Variants in VPS4B observed in about 807,000 individuals in gnomAD.
VPS4B encodes the protein vacuolar protein sorting-associated protein 4B.
A neutral mutation model predicts 56.1 loss-of-function variants in VPS4B; 23 were observed. That is an observed-to-expected ratio of 0.41 (90% CI 0.30 to 0.58). VPS4B has a LOEUF of 0.58. VPS4B is among the 20% of genes least tolerant of loss of function. The pLI, the probability that VPS4B is intolerant of heterozygous loss-of-function variation, is 0.29. For missense variants in VPS4B, 372 were observed against 531.9 expected (o/e 0.70, Z 2.96); for synonymous variants, 177 against 186.0 (o/e 0.95, Z 0.39).
intron 5 of VPS4B, among the ~76,000 whole-genome samples, chr18:63,401,906 T>C (rs1206850480): frequency 6.6e-6 from 1 of 152,092 alleles, no homozygotes; most frequent in Non-Finnish European, 1.5e-5. Context: ...GGCAGGAGAA[T>C]TGCTTGAACT....
rs1915499025 is a variant in VPS4B at position 63,389,658 on chromosome 18, C to T, written c.*1317G>A. ...ATGAGTCATGAGCTCATTTCTAAAG[C>T]TTCATAAAGCATTACACTGATAACA... On this transcript the variant is annotated 3_prime_UTR_variant, in exon 11 of 11. Coordinates refer to ENST00000238497, the MANE Select transcript of VPS4B (RefSeq NM_004869.4). 1 of 152,528 alleles carries T rather than the reference C, an allele frequency of 6.6e-6. No individual in the cohort carries two copies. The highest frequency in any genetic ancestry group is 1.5e-5 in the Non-Finnish European group (1 of 68,012). 9.4% of individuals were successfully genotyped at this position (152,528 alleles called of 1,614,324 possible).
chr18:63,397,060 C>G lies in VPS4B; in HGVS notation c.1066G>C (p.Val356Leu), dbSNP rs1408619377. Residue 356 changes from valine (V) to leucine (L), a missense_variant, in exon 9 of 11, where the codon GTA (valine) becomes CTA (leucine). This residue lies in a region of VPS4B where 153 missense variants were observed against 190.9 expected (regional missense o/e 0.80). Coordinates refer to ENST00000238497, the MANE Select transcript of VPS4B (RefSeq NM_004869.4). ...RDALMQPVRK[V>L]QSATHFKKVR... ...TTTTTAAAATGAGTAGCTGACTGTA[C>G]TTTCCTAACAGGCTGCATAAGGGCA... 1 of 1,613,318 alleles carries G rather than the reference C, an allele frequency of 6.2e-7. No homozygotes were observed. Among genetic ancestry groups the G allele is most frequent in the South Asian group, 1.1e-5 (1 of 91,052 alleles).
intron 1 of VPS4B, among the ~76,000 whole-genome samples, chr18:63,418,308 CAT>C (rs1346334236): frequency 6.6e-6 from 1 of 152,228 alleles, no homozygotes; most frequent in East Asian, 1.9e-4. Flanking sequence ...ATAGCCAAAT[CAT>C]ATGCTTATCT....
At chr18:63,418,913 T>C (rs1182562348) in intron 1 of VPS4B, among the ~76,000 whole-genome samples, 3 of 152,298 alleles carry the variant, frequency 2.0e-5, no homozygotes, top group East Asian at 1.9e-4. Context: ...TCTACACATA[T>C]GTATGCAAAT....
At chr18:63,409,568 G>A (rs1429380880) in intron 3 of VPS4B, among the ~76,000 whole-genome samples, 1 of 152,206 alleles carries the variant, frequency 6.6e-6, no homozygotes, top group Admixed American at 6.5e-5. Context: ...GATGTGGTTA[G>A]AATATGTTCC....
At chr18:63,408,556 C>G (rs1380234773) in intron 3 of VPS4B, among the ~76,000 whole-genome samples, 1 of 152,130 alleles carries the variant, frequency 6.6e-6, no homozygotes, top group Admixed American at 6.5e-5. Context: ...GGGGGCTGCT[C>G]ACAAGGAGAC....
At chr18:63,398,609 G>A (rs1388587262) in intron 8 of VPS4B, among the ~76,000 whole-genome samples, 8 of 151,732 alleles carry the variant, frequency 5.3e-5, no homozygotes, top group East Asian at 1.9e-4. Flanking sequence ...AGGCTGAGGC[G>A]GGTGGATCAT....
rs1401382037 is a variant in VPS4B, at chr18:63,389,952, CTTT to C, written c.*1020_*1022del. On this transcript the variant is annotated 3_prime_UTR_variant, in exon 11 of 11. Coordinates refer to ENST00000238497, the MANE Select transcript of VPS4B (RefSeq NM_004869.4). ...AGACACTGAAATAGACAATTTTCTT[CTTT>C]AAGGTAAAGACAATGTCTAATTTAG... 6 of 152,618 alleles carry C rather than the reference CTTT, an allele frequency of 3.9e-5. No individual in the cohort carries two copies. The highest frequency in any genetic ancestry group is 8.8e-5 in the Non-Finnish European group (6 of 68,028). The allele number at this position is 152,618 out of a possible 1,614,324, so 9.5% of individuals were successfully genotyped here.
intron 1 of VPS4B, among the ~76,000 whole-genome samples, chr18:63,411,886 AATTT>A (rs1331471404): frequency 2.0e-5 from 3 of 152,198 alleles, no homozygotes; most frequent in Admixed American, 6.5e-5. Flanking sequence ...GCTAAAGTTA[AATTT>A]AGGGCTAATA....
intron 8 of VPS4B, among the ~76,000 whole-genome samples, chr18:63,398,517 G>A (rs1404303181): frequency 1.3e-5 from 2 of 151,412 alleles, no homozygotes; most frequent in African/African-American, 4.9e-5. Flanking sequence ...ACCACACCCG[G>A]CCTGACATAT....
intron 2 of VPS4B, 132 bp from the exon 3 acceptor site, chr18:63,410,578 A>G (rs989998469): frequency 8.5e-7 from 1 of 1,170,368 alleles, no homozygotes; most frequent in Non-Finnish European, 1.2e-6. Context: ...TCTCTAACTC[A>G]TCATAGCCAA....
At chr18:63,395,380 C>T (rs760221709) in intron 9 of VPS4B, among the ~76,000 whole-genome samples, 2 of 152,130 alleles carry the variant, frequency 1.3e-5, no homozygotes, top group African/African-American at 4.8e-5. Flanking sequence ...TGAAGTACCA[C>T]GACTGGTGTT....
intron 1 of VPS4B, among the ~76,000 whole-genome samples, chr18:63,420,667 C>T (rs1395773890): frequency 6.6e-6 from 1 of 152,154 alleles, no homozygotes; most frequent in African/African-American, 2.4e-5. Flanking sequence ...CCAAAAAGAA[C>T]CTTTCCAAAT....
In VPS4B at chr18:63,414,603, T is replaced by A. The variant is rs1916121697; in HGVS notation, c.28-3025A>T. ...GCACCCACCACCATGCCTGGCTAAT[T>A]TTTGTATTTTTAGTAGAGATGGGAT... On this transcript the variant is annotated intron_variant, in intron 1 of 10. Transcript: ENST00000238497. Among the ~76,000 whole-genome samples, 2 of 151,222 alleles carry A rather than the reference T, an allele frequency of 1.3e-5. 1 individual carries two copies. Among genetic ancestry groups the A allele is most frequent in the South Asian group, 4.2e-4 (2 of 4,802 alleles).
chr18:63,389,523 T>C lies in VPS4B; in HGVS notation c.*1452A>G, dbSNP rs984419487. 1 of 152,692 alleles carries C rather than the reference T, an allele frequency of 6.5e-6. No homozygotes were observed. The highest frequency in any genetic ancestry group is 1.5e-5 in the Non-Finnish European group (1 of 68,052). The allele number at this position is 152,692 out of a possible 1,614,324, so 9.5% of individuals were successfully genotyped here. A position where few individuals can be genotyped will look rare whatever the true frequency, so the allele number is the denominator to read the frequency against. Reference sequence around the variant, plus strand: ...CTAACTTAATAGTCTTTTGCATGTATAGACAATGCAATTCTACAAGGCACA... The same window carrying C: ...CTAACTTAATAGTCTTTTGCATGTACAGACAATGCAATTCTACAAGGCACA... On this transcript the variant is annotated 3_prime_UTR_variant, in exon 11 of 11. Coordinates refer to ENST00000238497, the MANE Select transcript of VPS4B (RefSeq NM_004869.4).
chr18:63,399,393 C>T (rs1915760862), intron 7 of VPS4B, 70 bp from the exon 8 acceptor site: 2 of 1,372,318 alleles, frequency 1.5e-6, no homozygotes, highest in Non-Finnish European at 2.1e-6. Context: ...TCCATATATT[C>T]TGTTAAGAAA....
intron 9 of VPS4B, among the ~76,000 whole-genome samples, chr18:63,395,097 TC>T (rs1915640663): frequency 6.6e-6 from 1 of 152,172 alleles, no homozygotes. Context: ...CAGCTGGTGA[TC>T]CCCAGCTGCA....
At chr18:63,414,817 C>T (rs1423747655) in intron 1 of VPS4B, among the ~76,000 whole-genome samples, 1 of 152,252 alleles carries the variant, frequency 6.6e-6, no homozygotes, top group Non-Finnish European at 1.5e-5. Context: ...TCTTCAGCCA[C>T]TTGTTCCTCT....
chr18:63,410,400 A>G lies in VPS4B; in HGVS notation c.186T>C (p.Cys62=), dbSNP rs61735457. 4,935 of 1,613,682 alleles carry G rather than the reference A, an allele frequency of 3.1e-3. 127 individuals carry two copies. The African/African-American group carries it at 0.06, about 19-fold the overall frequency. ...TTTCTGCTCTATCAAGATATTCTGT[A>G]CACTTTGCCCTGATACTTTGCTTGG... ...DKAKQSIRAK[C]TEYLDRAEKL... Residue 62 remains cysteine (C), a synonymous_variant, in exon 3 of 11, where the codon TGT becomes TGC. Coordinates refer to ENST00000238497, the MANE Select transcript of VPS4B (RefSeq NM_004869.4).
Sources: allele counts gnomAD v4.1 joint callset (sites outside exome capture counted in the v4.1 genomes callset), GRCh38; gene constraint gnomAD v4.1.1; regional missense constraint gnomAD v4.1.1; transcripts MANE v1.5; gene names NCBI Gene and HGNC (gene_info 2026-07-23, HGNC 2026-07-21).